The following FTCDNL1 variants were observed in gnomAD, a reference collection of about 807,000 sequenced individuals.
FTCDNL1 encodes the protein formiminotransferase cyclodeaminase N-terminal like.
Under a neutral mutation model 5.9 loss-of-function variants are expected in FTCDNL1, and 11 were observed. The observed-to-expected ratio is 1.87, with a 90% CI of 1.18 to 3.10. FTCDNL1 has a LOEUF of 3.10. Ranked by LOEUF, FTCDNL1 falls within the 30% of genes most tolerant of loss-of-function variation. The pLI, the probability that FTCDNL1 is intolerant of heterozygous loss-of-function variation, is 0.00. For missense variants in FTCDNL1, 115 were observed against 65.5 expected (o/e 1.76, Z -2.61); for synonymous variants, 58 against 24.8 (o/e 2.34, Z -3.99).
At chr2:199,703,804 A>G in the FTCDNL1 span, among the ~76,000 whole-genome samples, 2 of 152,196 alleles carry the variant, frequency 1.3e-5, no homozygotes, top group African/African-American at 4.8e-5. Context: ...TTATTATTGT[A>G]TGTATTTAAA....
chr2:199,807,374 A>C (rs1249098752), downstream of FTCDNL1, among the ~76,000 whole-genome samples: 1 of 152,208 alleles, frequency 6.6e-6, no homozygotes, highest in Non-Finnish European at 1.5e-5. Flanking sequence ...ATGGTGGCTT[A>C]CACCTGTAAT....
At chr2:199,765,512 G>A (rs1698469735) in intron 3 of FTCDNL1, among the ~76,000 whole-genome samples, 1 of 131,584 alleles carries the variant, frequency 7.6e-6, no homozygotes, top group Non-Finnish European at 1.6e-5. Flanking sequence ...CTACCACGTG[G>A]CATCTCTTTT....
chr2:199,801,452 GC>G (rs1244870658), intron 3 of FTCDNL1, among the ~76,000 whole-genome samples: 1 of 152,018 alleles, frequency 6.6e-6, no homozygotes, highest in African/African-American at 2.4e-5. Context: ...TTGGAGACCA[GC>G]CTGGGCAACA....
At chr2:199,766,607 A>C (rs1698547790) in intron 3 of FTCDNL1, among the ~76,000 whole-genome samples, 1 of 152,230 alleles carries the variant, frequency 6.6e-6, no homozygotes, top group Non-Finnish European at 1.5e-5. Context: ...ATAGAATGTA[A>C]TATTTCATTT....
intron 3 of FTCDNL1, among the ~76,000 whole-genome samples, chr2:199,797,776 C>A (rs1700244214): frequency 6.6e-6 from 1 of 152,226 alleles, no homozygotes; most frequent in Admixed American, 6.5e-5. Context: ...AATTACTGAA[C>A]CTTCCAGCAC....
At chr2:199,676,300 A>G in the FTCDNL1 span, among the ~76,000 whole-genome samples, 18 of 152,232 alleles carry the variant, frequency 1.2e-4, no homozygotes, top group African/African-American at 4.1e-4. Flanking sequence ...ATTTTCATTT[A>G]AATTGGTTTT....
chr2:199,765,556 A>ATATATATATTTTTTTTT, intron 3 of FTCDNL1, among the ~76,000 whole-genome samples: 2 of 42,656 alleles, frequency 4.7e-5, no homozygotes, highest in African/African-American at 6.4e-5. Flanking sequence ...ATATATATAT[A>ATATATATATTTTTTTTT]TTTTTTTTTT....
At chr2:199,696,282 T>G in the FTCDNL1 span, among the ~76,000 whole-genome samples, 3 of 152,124 alleles carry the variant, frequency 2.0e-5, no homozygotes, top group African/African-American at 7.2e-5. Flanking sequence ...CACTGGCACA[T>G]ATGCATGCAG....
intron 3 of FTCDNL1, among the ~76,000 whole-genome samples, chr2:199,830,101 A>T (rs555002226): frequency 5.3e-5 from 8 of 152,204 alleles, no homozygotes; most frequent in African/African-American, 1.9e-4. Context: ...AAAATCTTAC[A>T]AGCATCCTCT....
the FTCDNL1 span, among the ~76,000 whole-genome samples, chr2:199,708,754 G>T: frequency 1.3e-5 from 2 of 152,084 alleles, no homozygotes; most frequent in Non-Finnish European, 2.9e-5. Flanking sequence ...AAGATTCTAT[G>T]AGCTTAGAAA....
chr2:199,823,713 C>T (rs1295897219), intron 3 of FTCDNL1, among the ~76,000 whole-genome samples: 1 of 152,156 alleles, frequency 6.6e-6, no homozygotes, highest in East Asian at 1.9e-4. Context: ...TGCTGTCATC[C>T]AGGCTTTGTT....
chr2:199,727,292 G>C, the FTCDNL1 span, among the ~76,000 whole-genome samples: 2 of 152,172 alleles, frequency 1.3e-5, no homozygotes, highest in African/African-American at 4.8e-5. Context: ...CTGCAGTGAT[G>C]GCAGCCTCCC....
intron 3 of FTCDNL1, among the ~76,000 whole-genome samples, chr2:199,767,644 A>G (rs912197186): frequency 6.6e-6 from 1 of 152,142 alleles, no homozygotes; most frequent in Non-Finnish European, 1.5e-5. Context: ...GGCTTCAGAG[A>G]GCTGCTTGGT....
intron 4 of FTCDNL1, among the ~76,000 whole-genome samples, chr2:199,816,782 A>G (rs1220779396): frequency 6.6e-6 from 1 of 152,144 alleles, no homozygotes; most frequent in African/African-American, 2.4e-5. Context: ...CCCATTCTAG[A>G]ACTCTTAATG....
the FTCDNL1 span, among the ~76,000 whole-genome samples, chr2:199,723,545 TG>T: frequency 6.6e-6 from 1 of 152,196 alleles, no homozygotes; most frequent in African/African-American, 2.4e-5. Context: ...CTTATTGTTT[TG>T]AAATATGTTC....
the FTCDNL1 span, among the ~76,000 whole-genome samples, chr2:199,679,951 AATT>A: frequency 6.6e-6 from 1 of 152,178 alleles, no homozygotes; most frequent in Non-Finnish European, 1.5e-5. Context: ...ATGTAACACC[AATT>A]ATTTTAATTT....
chr2:199,820,527 T>C (rs944216825), intron 3 of FTCDNL1, among the ~76,000 whole-genome samples: 1 of 152,202 alleles, frequency 6.6e-6, no homozygotes, highest in Non-Finnish European at 1.5e-5. Context: ...CAACCACACA[T>C]GGCTAGTGGT....
chr2:199,702,800 T>C, the FTCDNL1 span, among the ~76,000 whole-genome samples: 1 of 152,142 alleles, frequency 6.6e-6, no homozygotes, highest in African/African-American at 2.4e-5. Flanking sequence ...AAGGCCTTTC[T>C]GAGGTGGTGA....
the FTCDNL1 span, among the ~76,000 whole-genome samples, chr2:199,736,850 A>G: frequency 6.6e-6 from 1 of 152,178 alleles, no homozygotes; most frequent in African/African-American, 2.4e-5. Flanking sequence ...TTGAACTGGT[A>G]ATTTGACTGG....
Sources: allele counts gnomAD v4.1 joint callset (sites outside exome capture counted in the v4.1 genomes callset), GRCh38; gene constraint gnomAD v4.1.1; transcripts MANE v1.5; gene names NCBI Gene and HGNC (gene_info 2026-07-23, HGNC 2026-07-21).